Variants in PTPRD observed in about 807,000 individuals in gnomAD.
PTPRD encodes protein tyrosine phosphatase receptor type D.
Under a neutral mutation model 214.5 loss-of-function variants are expected in PTPRD, and 34 were observed. The observed-to-expected ratio is 0.16, with a 90% CI of 0.12 to 0.21. PTPRD has a LOEUF of 0.21. Among genes scored for constraint, PTPRD ranks in the 10% least tolerant of loss-of-function variants. The probability of loss-of-function intolerance (pLI) is 1.00; values close to 1 mark genes in which losing one functional copy is unlikely to be tolerated. For synonymous variants in PTPRD, 1,128 were observed against 845.7 expected (o/e 1.33, Z -5.79); for missense variants, 2,545 against 2,398.7 (o/e 1.06, Z -1.27).
intron 8 of PTPRD, among the ~76,000 whole-genome samples, chr9:9,420,958 A>G (rs2078595984): frequency 6.6e-6 from 1 of 151,944 alleles, no homozygotes; most frequent in South Asian, 2.1e-4. Flanking sequence ...TATCTCTTCA[A>G]TATTTTATGC....
chr9:9,127,168 A>G (rs2099835310), intron 10 of PTPRD, among the ~76,000 whole-genome samples: 1 of 152,168 alleles, frequency 6.6e-6, no homozygotes, highest in African/African-American at 2.4e-5. Context: ...GACTCACCTC[A>G]TGTGCACTTC....
chr9:9,958,579 G>T (rs767721700), intron 4 of PTPRD, among the ~76,000 whole-genome samples: 2 of 151,968 alleles, frequency 1.3e-5, no homozygotes, highest in African/African-American at 2.4e-5. Context: ...AAAGACTTAT[G>T]CTGTGTAAAA....
intron 3 of PTPRD, among the ~76,000 whole-genome samples, chr9:10,038,233 A>G (rs2097223830): frequency 6.6e-6 from 1 of 152,004 alleles, no homozygotes; most frequent in Non-Finnish European, 1.5e-5. Flanking sequence ...TCTTCTCAGG[A>G]CTTCATCTTT....
intron 9 of PTPRD, among the ~76,000 whole-genome samples, chr9:9,200,608 C>T (rs1262827686): frequency 6.6e-6 from 1 of 152,200 alleles, no homozygotes; most frequent in African/African-American, 2.4e-5. Context: ...CCAAGACTGT[C>T]TGTTGCAGAT....
intron 3 of PTPRD, among the ~76,000 whole-genome samples, chr9:10,049,065 A>G (rs921969915): frequency 6.6e-6 from 1 of 152,130 alleles, no homozygotes. Context: ...GGAGATGTTT[A>G]AAATGTAAGT....
At chr9:10,177,485 C>T (rs935853269) in intron 3 of PTPRD, among the ~76,000 whole-genome samples, 17 of 149,420 alleles carry the variant, frequency 1.1e-4, no homozygotes, top group African/African-American at 3.9e-4. Flanking sequence ...ATGAAAGTTG[C>T]ATATTGGAAA....
chr9:10,126,972 C>T (rs10958897), intron 3 of PTPRD, among the ~76,000 whole-genome samples: 20,056 of 131,918 alleles, frequency 0.15, 1,530 homozygotes, highest in South Asian at 0.28. Flanking sequence ...TTGGCAGAAA[C>T]ACTGCACATG....
At chr9:10,306,258 G>A (rs1161046409) in intron 3 of PTPRD, among the ~76,000 whole-genome samples, 6 of 147,248 alleles carry the variant, frequency 4.1e-5, no homozygotes, top group African/African-American at 7.7e-5. Context: ...AACATCACAT[G>A]CTGGGGCCTG....
chr9:9,004,027 C>T (rs2099440087), intron 11 of PTPRD, among the ~76,000 whole-genome samples: 1 of 152,034 alleles, frequency 6.6e-6, no homozygotes, highest in African/African-American at 2.4e-5. Flanking sequence ...AAGACCAATA[C>T]TGAGTATTCT....
chr9:8,349,779 G>A (rs1266063684), intron 39 of PTPRD, among the ~76,000 whole-genome samples: 1 of 152,118 alleles, frequency 6.6e-6, no homozygotes, highest in Admixed American at 6.6e-5. Flanking sequence ...AAGTTTAAAT[G>A]GAGTCTAGCA....
At chr9:10,206,648 G>C (rs1039453143) in intron 3 of PTPRD, among the ~76,000 whole-genome samples, 1 of 152,142 alleles carries the variant, frequency 6.6e-6, no homozygotes, top group African/African-American at 2.4e-5. Context: ...CAAGGAAAAA[G>C]TTTTGTAAAG....
intron 4 of PTPRD, among the ~76,000 whole-genome samples, chr9:10,006,517 C>T (rs2096480682): frequency 6.6e-6 from 1 of 151,828 alleles, no homozygotes; most frequent in Admixed American, 6.6e-5. Flanking sequence ...ATCATATTCC[C>T]GTTTTACAGA....
intron 4 of PTPRD, among the ~76,000 whole-genome samples, chr9:9,950,984 G>A (rs1472784697): frequency 6.6e-6 from 1 of 152,116 alleles, no homozygotes; most frequent in Non-Finnish European, 1.5e-5. Context: ...GAATTTGGGG[G>A]CTGGATTACT....
intron 12 of PTPRD, among the ~76,000 whole-genome samples, chr9:8,725,126 T>C (rs1315383795): frequency 6.6e-6 from 1 of 152,188 alleles, no homozygotes; most frequent in Non-Finnish European, 1.5e-5. Context: ...TCCTGTATGA[T>C]TGTTGTAATG....
At chr9:8,789,233 C>G (rs1372485575) in intron 11 of PTPRD, among the ~76,000 whole-genome samples, 1 of 151,912 alleles carries the variant, frequency 6.6e-6, no homozygotes, top group Non-Finnish European at 1.5e-5. Flanking sequence ...AGCATTTGGC[C>G]CAAAAGTTCT....
intron 2 of PTPRD, among the ~76,000 whole-genome samples, chr9:10,595,565 C>T (rs1009008641): frequency 2.0e-5 from 3 of 151,504 alleles, no homozygotes; most frequent in African/African-American, 7.3e-5. Context: ...TACACAGATA[C>T]AGAGTCACAC....
chr9:10,160,595 T>G (rs561719593), intron 3 of PTPRD, among the ~76,000 whole-genome samples: 3 of 151,924 alleles, frequency 2.0e-5, no homozygotes, highest in Non-Finnish European at 4.4e-5. Flanking sequence ...ATAAAGGCTA[T>G]GTAAGCCAAG....
chr9:8,566,929 A>T (rs552360311), intron 14 of PTPRD, among the ~76,000 whole-genome samples: 1 of 152,250 alleles, frequency 6.6e-6, no homozygotes, highest in Non-Finnish European at 1.5e-5. Context: ...TAAAAACTTC[A>T]TTCTTGATTT....
intron 3 of PTPRD, among the ~76,000 whole-genome samples, chr9:10,160,989 A>T (rs2099124187): frequency 2.0e-5 from 3 of 151,954 alleles, no homozygotes; most frequent in South Asian, 2.1e-4. Context: ...AGAATATAAA[A>T]TGCCTAGAAA....
Sources: gnomAD v4.1 joint callset for allele counts (sites outside exome capture counted in the v4.1 genomes callset) on GRCh38, gnomAD v4.1.1 for gene constraint, MANE v1.5 for transcripts, NCBI Gene and HGNC (gene_info 2026-07-23, HGNC 2026-07-21) for gene names.